CCL21: variants seen among roughly 807,000 people sequenced by gnomAD.
CCL21 encodes C-C motif chemokine 21.
CCL21 carries 12 observed loss-of-function variants against 16.4 expected under a neutral mutation model. The ratio of observed to expected loss-of-function variants is 0.73; its 90% CI spans 0.47 to 1.18. The LOEUF (loss-of-function observed/expected upper bound fraction) is 1.18. CCL21 is among the 50% of genes most tolerant of loss of function. The pLI, the probability that CCL21 is intolerant of heterozygous loss-of-function variation, is 0.00. For synonymous variants in CCL21, 64 were observed against 62.1 expected, an observed-to-expected ratio of 1.03 and a Z score of -0.15; for missense variants, 155 against 163.8, an observed-to-expected ratio of 0.95 and a Z score of 0.29.
rs1428999230 is a variant in CCL21 at position 34,709,447 on chromosome 9, G to A, written c.372-20C>T. 6.2e-7 allele frequency: 1 copy of A among 1,613,328 alleles called. No individual in the cohort carries two copies. The highest frequency in any genetic ancestry group is 2.2e-5 in the East Asian group (1 of 44,870). ...TCAGTCCTGTGAGGGCAGAAGAGGG[G>A]TGTGAGGGGCTGACTGAGGCTCCCC... On this transcript the variant is annotated intron_variant, in intron 3 of 3. Coordinates refer to ENST00000259607, the MANE Select transcript of CCL21 (RefSeq NM_002989.4).
rs1292540600 is a variant in CCL21 at position 34,709,999 on chromosome 9, C to T, written c.67+1G>A. 1.2e-6 allele frequency: 2 copies of T among 1,614,126 alleles called. No homozygotes were observed. Among genetic ancestry groups the T allele is most frequent in the Non-Finnish European group, 1.7e-6 (2 of 1,180,014 alleles). On this transcript the variant is annotated splice_donor_variant, in intron 1 of 3. Coordinates refer to ENST00000259607, the MANE Select transcript of CCL21 (RefSeq NM_002989.4). LOFTEE classifies it high-confidence loss of function. ...TGCAAGGCCCCTCCCTGCCTTGGTACCTTGGGTCCTGGGGATGCCAAAGGC... is the reference window on the plus strand; with the variant it reads ...TGCAAGGCCCCTCCCTGCCTTGGTATCTTGGGTCCTGGGGATGCCAAAGGC...
Position 34,709,423 on chromosome 9 carries a change from C to G in CCL21, c.376G>C (p.Glu126Gln). 6.2e-7 allele frequency: 1 copy of G among 1,611,258 alleles called. No homozygotes were observed. The highest frequency in any genetic ancestry group is 8.5e-7 in the Non-Finnish European group (1 of 1,179,230). The change falls in exon 4 of 4, where the codon GAG (glutamate) becomes CAG (glutamine). Residue 126 changes from glutamate (E) to glutamine (Q), a missense_variant. Transcript: ENST00000259607. ...GGCCCTTTAGGGGTCTGTGACCGCT[C>G]AGTCCTGTGAGGGCAGAAGAGGGGT... ...GKGSKGCKRT[E>Q]RSQTPKGP
chr9:34,709,824 G>T lies in CCL21; in HGVS notation c.141C>A (p.Ser47Arg). ...CTAAGCTTGGTTCCTGCTTCCGGTAGCTGCGGACAACCTTGGCGGGAATCT... is the reference window on the plus strand; with the variant it reads ...CTAAGCTTGGTTCCTGCTTCCGGTATCTGCGGACAACCTTGGCGGGAATCT... Reference protein sequence around the residue: ...QRKIPAKVVRSYRKQEPSLGC... With the variant: ...QRKIPAKVVRRYRKQEPSLGC... Residue 47 changes from serine to arginine, a missense_variant, in exon 2 of 4, where the codon AGC becomes AGA. Ser to Arg is a moderately radical substitution (Grantham distance 110). Coordinates refer to ENST00000259607, the MANE Select transcript of CCL21 (RefSeq NM_002989.4). The T allele has an allele frequency of 6.2e-7, 1 of 1,614,196 alleles. No homozygotes were observed. Among genetic ancestry groups the T allele is most frequent in the Non-Finnish European group, 8.5e-7 (1 of 1,180,038 alleles).
chr9:34,709,841 C>T lies in CCL21; in HGVS notation c.124G>A (p.Ala42Thr), dbSNP rs142482921. 8.7e-6 allele frequency: 14 copies of T among 1,614,208 alleles called. No individual in the cohort carries two copies. Among genetic ancestry groups the T allele is most frequent in the Middle Eastern group, 1.6e-4 (1 of 6,062 alleles). ...CLKYSQRKIPAKVVRSYRKQE... is the reference protein window; with the variant it reads ...CLKYSQRKIPTKVVRSYRKQE... ...TTCCGGTAGCTGCGGACAACCTTGGCGGGAATCTTCCTTTGGCTGTACTTG... is the reference window on the plus strand; with the variant it reads ...TTCCGGTAGCTGCGGACAACCTTGGTGGGAATCTTCCTTTGGCTGTACTTG... Residue 42 changes from alanine to threonine, a missense_variant, in exon 2 of 4, where the codon GCC becomes ACC. Ala to Thr is a moderately conservative substitution (Grantham distance 58, BLOSUM62 0). Coordinates refer to ENST00000259607, the MANE Select transcript of CCL21 (RefSeq NM_002989.4).
chr9:34,710,129 G>A lies in CCL21; in HGVS notation c.-63C>T. The A allele has an allele frequency of 7.0e-7, 1 of 1,421,878 alleles. No homozygotes were observed. Among genetic ancestry groups the A allele is most frequent in the Non-Finnish European group, 9.9e-7 (1 of 1,014,952 alleles). The allele number at this position is 1,421,878 out of a possible 1,614,324, so 88.1% of individuals were successfully genotyped here. A position where few individuals can be genotyped will look rare whatever the true frequency, so the allele number is the denominator to read the frequency against. On this transcript the variant is annotated 5_prime_UTR_variant, in exon 1 of 4. Transcript: ENST00000259607. ...GGTGAGGTGGGCAGCTGCAAGTTGG[G>A]GGTCTGTGCGTGGGCTGGGATTGGC... is the stretch of plus-strand genomic sequence containing the variant.
In CCL21 at chr9:34,709,258, G is replaced by A. The variant is rs1377466469; in HGVS notation, c.*136C>T. On this transcript the variant is annotated 3_prime_UTR_variant, in exon 4 of 4. Coordinates refer to ENST00000259607, the MANE Select transcript of CCL21 (RefSeq NM_002989.4). ...TGCAGATGGGGTGGTTAAAGCAGGA[G>A]AAAGAGTGTGGCAAGGCCAGCATGG... 1.8e-5 allele frequency: 19 copies of A among 1,072,746 alleles called. No homozygotes were observed. The highest frequency in any genetic ancestry group is 2.7e-5 in the Non-Finnish European group (19 of 711,828). 66.5% of individuals were successfully genotyped at this position (1,072,746 alleles called of 1,614,324 possible). A position where few individuals can be genotyped will look rare whatever the true frequency, so the allele number is the denominator to read the frequency against.
In CCL21 at chr9:34,709,982, C is replaced by A. The variant is rs199843101; in HGVS notation, c.67+18G>T. ...TGATCCCCTTAGCCCCATGCAAGGCCCCTCCCTGCCTTGGTACCTTGGGTC... is the reference window on the plus strand; with the variant it reads ...TGATCCCCTTAGCCCCATGCAAGGCACCTCCCTGCCTTGGTACCTTGGGTC... On this transcript the variant is annotated intron_variant, in intron 1 of 3. Coordinates refer to ENST00000259607, the MANE Select transcript of CCL21 (RefSeq NM_002989.4). The A allele has an allele frequency of 9.4e-5, 152 of 1,614,058 alleles. No individual in the cohort carries two copies. The African/African-American group carries it at 1.5e-3, about 16-fold the overall frequency.
chr9:34,710,114 G>T lies in CCL21; in HGVS notation c.-48C>A. On this transcript the variant is annotated 5_prime_UTR_variant, in exon 1 of 4. Transcript: ENST00000259607. ...GAGGCCAGAGCTGAGGGTGAGGTGG[G>T]CAGCTGCAAGTTGGGGGTCTGTGCG... is the stretch of plus-strand genomic sequence containing the variant. 6.5e-7 allele frequency: 1 copy of T among 1,550,066 alleles called. No individual in the cohort carries two copies. Among genetic ancestry groups the T allele is most frequent in the Non-Finnish European group, 8.9e-7 (1 of 1,127,188 alleles).
Position 34,709,116 on chromosome 9 carries a change from C to T in CCL21, c.*278G>A. ...TCAGGTCCAGGGTCCTGATGATTCTCCTTCAAGGGGACAGTCCTGCTGCCT... is the reference window on the plus strand; with the variant it reads ...TCAGGTCCAGGGTCCTGATGATTCTTCTTCAAGGGGACAGTCCTGCTGCCT... On this transcript the variant is annotated 3_prime_UTR_variant, in exon 4 of 4. Coordinates refer to ENST00000259607, the MANE Select transcript of CCL21 (RefSeq NM_002989.4). 1.9e-6 allele frequency: 1 copy of T among 540,312 alleles called. No individual in the cohort carries two copies. The highest frequency in any genetic ancestry group is 2.6e-5 in the South Asian group (1 of 38,024). 33.5% of individuals were successfully genotyped at this position (540,312 alleles called of 1,614,324 possible). A position where few individuals can be genotyped will look rare whatever the true frequency, so the allele number is the denominator to read the frequency against.
chr9:34,709,144 T>A lies in CCL21; in HGVS notation c.*250A>T, dbSNP rs986287350. On this transcript the variant is annotated 3_prime_UTR_variant, in exon 4 of 4. Transcript: ENST00000259607. ...TCAAGGGGACAGTCCTGCTGCCTCC[T>A]CTCATGCTCCCTGGGAGACTCTCCC... 5.2e-6 allele frequency: 3 copies of A among 578,200 alleles called. No homozygotes were observed. The highest frequency in any genetic ancestry group is 9.1e-6 in the Non-Finnish European group (3 of 329,430). The allele number at this position is 578,200 out of a possible 1,614,324, so 35.8% of individuals were successfully genotyped here.
Position 34,710,014 on chromosome 9 carries a change from A to G in CCL21, c.53T>C (p.Ile18Thr). ...SLLILVLAFG[I>T]PRTQGSDGGA... is the part of the protein sequence containing the mutation. ...TGCCTTGGTACCTTGGGTCCTGGGG[A>G]TGCCAAAGGCCAGAACCAGGATAAG... Residue 18 changes from isoleucine to threonine, a missense_variant, in exon 1 of 4, where the codon ATC (isoleucine) becomes ACC (threonine). Physicochemically the swap from Ile to Thr is moderately conservative, Grantham distance 89 (BLOSUM62 -1). Coordinates refer to ENST00000259607, the MANE Select transcript of CCL21 (RefSeq NM_002989.4). 6.2e-7 allele frequency: 1 copy of G among 1,614,116 alleles called. No individual in the cohort carries two copies. Among genetic ancestry groups the G allele is most frequent in the Non-Finnish European group, 8.5e-7 (1 of 1,180,004 alleles).
chr9:34,709,586 G>A lies in CCL21; in HGVS notation c.285C>T (p.Ser95=), dbSNP rs1330549545. 2 of 1,614,188 alleles carry A rather than the reference G, an allele frequency of 1.2e-6. No homozygotes were observed. Among genetic ancestry groups the A allele is most frequent in the Non-Finnish European group, 1.7e-6 (2 of 1,180,022 alleles). The change falls in exon 3 of 4, where the codon TCC becomes TCT. Residue 95 remains serine (S), a synonymous_variant. Transcript: ENST00000259607. ...TGCAGCCCTGGGCTGGTTTCTGTGG[G>A]GATGGTGTCTTGTCCAGATGCTGCA... ...QLMQHLDKTP[S]PQKPAQGCRK...
chr9:34,709,295 C>T lies in CCL21; in HGVS notation c.*99G>A. On this transcript the variant is annotated 3_prime_UTR_variant, in exon 4 of 4. Transcript: ENST00000259607. ...CAAGGCCAGCATGGGGTGGCTGCTC[C>T]AGGGCCCCTGAGCATAGCCTCCTTC... The T allele has an allele frequency of 7.0e-7, 1 of 1,434,636 alleles. No homozygotes were observed. The highest frequency in any genetic ancestry group is 2.1e-5 in the Admixed American group (1 of 48,154). 88.9% of individuals were successfully genotyped at this position (1,434,636 alleles called of 1,614,324 possible).
At position 34,709,195 on chromosome 9, in the gene CCL21, G is replaced by A. The variant is rs751885730; in HGVS notation, c.*199C>T. On this transcript the variant is annotated 3_prime_UTR_variant, in exon 4 of 4. Coordinates refer to ENST00000259607, the MANE Select transcript of CCL21 (RefSeq NM_002989.4). ...TCCTCGGTCTCTCTGGACCTGGCCT[G>A]CTGTGGGCAGCTCAGCCATGCAGGG... 9.1e-5 allele frequency: 61 copies of A among 671,648 alleles called. No individual in the cohort carries two copies. The highest frequency in any genetic ancestry group is 1.4e-4 in the Non-Finnish European group (54 of 389,416). The allele number at this position is 671,648 out of a possible 1,614,324, so 41.6% of individuals were successfully genotyped here.
rs147271262 is a variant in CCL21, at chr9:34,709,994, T to G, written c.67+6A>C. ...CCCCATGCAAGGCCCCTCCCTGCCT[T>G]GGTACCTTGGGTCCTGGGGATGCCA... On this transcript the variant is annotated splice_donor_region_variant and intron_variant, in intron 1 of 3. Transcript: ENST00000259607. 6.2e-7 allele frequency: 1 copy of G among 1,614,054 alleles called. No individual in the cohort carries two copies. The highest frequency in any genetic ancestry group is 8.5e-7 in the Non-Finnish European group (1 of 1,179,988).
chr9:34,710,099 C>T lies in CCL21; in HGVS notation c.-33G>A. 6 of 1,600,556 alleles carry T rather than the reference C, an allele frequency of 3.7e-6. No individual in the cohort carries two copies. Among genetic ancestry groups the T allele is most frequent in the Non-Finnish European group, 5.1e-6 (6 of 1,169,924 alleles). On this transcript the variant is annotated 5_prime_UTR_variant, in exon 1 of 4. Coordinates refer to ENST00000259607, the MANE Select transcript of CCL21 (RefSeq NM_002989.4). ...GTAGAGGGTGAGTAAGAGGCCAGAG[C>T]TGAGGGTGAGGTGGGCAGCTGCAAG...
At position 34,709,008 on chromosome 9, in the gene CCL21, G is replaced by A. The variant is rs1821946442; in HGVS notation, c.*386C>T. On this transcript the variant is annotated 3_prime_UTR_variant, in exon 4 of 4. Coordinates refer to ENST00000259607, the MANE Select transcript of CCL21 (RefSeq NM_002989.4). The stretch of plus-strand genomic sequence containing the variant: ...ATAAACACATGGGAACAGGTACTTG[G>A]GTGGGAAGACAGAACAGCTTTTTAT... 1 of 241,018 alleles carries A rather than the reference G, an allele frequency of 4.1e-6. No homozygotes were observed. The highest frequency in any genetic ancestry group is 2.3e-5 in the African/African-American group (1 of 43,578). 14.9% of individuals were successfully genotyped at this position (241,018 alleles called of 1,614,324 possible).
Position 34,709,412 on chromosome 9 carries a change from C to T in CCL21, c.387G>A (p.Gln129=). Residue 129 remains glutamine, a synonymous_variant, in exon 4 of 4, where the codon CAG becomes CAA. Coordinates refer to ENST00000259607, the MANE Select transcript of CCL21 (RefSeq NM_002989.4). The part of the protein sequence containing the change: ...SKGCKRTERS[Q]TPKGP ...CACTGGGCTATGGCCCTTTAGGGGT[C>T]TGTGACCGCTCAGTCCTGTGAGGGC... is the stretch of plus-strand genomic sequence containing the variant. 1 of 1,610,050 alleles carries T rather than the reference C, an allele frequency of 6.2e-7. No homozygotes were observed. The highest frequency in any genetic ancestry group is 8.5e-7 in the Non-Finnish European group (1 of 1,178,940).
chr9:34,709,391 G>A lies in CCL21; in HGVS notation c.*3C>T, dbSNP rs1821951480. The A allele has an allele frequency of 6.2e-7, 1 of 1,606,736 alleles. No individual in the cohort carries two copies. The highest frequency in any genetic ancestry group is 1.3e-5 in the African/African-American group (1 of 74,278). On this transcript the variant is annotated 3_prime_UTR_variant, in exon 4 of 4. Coordinates refer to ENST00000259607, the MANE Select transcript of CCL21 (RefSeq NM_002989.4). The stretch of plus-strand genomic sequence containing the variant: ...TCTCCAGGGCTCCAGGCTGCTCACT[G>A]GGCTATGGCCCTTTAGGGGTCTGTG...
Sources: allele counts gnomAD v4.1 joint callset, GRCh38; gene constraint gnomAD v4.1.1; transcripts MANE v1.5; gene names NCBI Gene and HGNC (gene_info 2026-07-23, HGNC 2026-07-21).